Variants in HCN4 observed in about 807,000 individuals in gnomAD.
HCN4 encodes potassium/sodium hyperpolarization-activated cyclic nucleotide-gated channel 4.
In HCN4, 29 loss-of-function variants were observed where a neutral mutation model predicts 76.9. The ratio of observed to expected loss-of-function variants is 0.38; its 90% CI spans 0.28 to 0.51. The LOEUF (loss-of-function observed/expected upper bound fraction) is 0.51. Ranked by LOEUF, HCN4 falls within the 20% of genes least tolerant of loss-of-function variation. The pLI is 0.90. For synonymous variants in HCN4, 772 were observed against 762.5 expected (o/e 1.01, Z -0.21); for missense variants, 1,416 against 1,715.2 (o/e 0.83, Z 3.08).
At chr15:73,362,969 A>G (rs2043112453) in intron 1 of HCN4, among the ~76,000 whole-genome samples, 1 of 152,128 alleles carries the variant, frequency 6.6e-6, no homozygotes, top group South Asian at 2.1e-4. Context: ...CTCGGTCCTG[A>G]GCTCCAGCAG....
chr15:73,356,378 T>TC (rs1421543075), intron 1 of HCN4, among the ~76,000 whole-genome samples: 2 of 141,572 alleles, frequency 1.4e-5, no homozygotes, highest in Non-Finnish European at 3.1e-5. Flanking sequence ...TCTTTTCTTT[T>TC]TTTTTTTTTT....
chr15:73,340,029 TG>T (rs891576475), intron 2 of HCN4, among the ~76,000 whole-genome samples: 5 of 152,092 alleles, frequency 3.3e-5, no homozygotes, highest in Non-Finnish European at 7.4e-5. Context: ...CCCCACGAGA[TG>T]GGGCGGCACG....
chr15:73,333,672 C>T (rs765662167), intron 2 of HCN4, among the ~76,000 whole-genome samples: 5 of 152,126 alleles, frequency 3.3e-5, no homozygotes, highest in Non-Finnish European at 5.9e-5. Context: ...AAGTGGACAG[C>T]GAAAGGTTCA....
rs540396559 is a variant in HCN4, at chr15:73,343,332, C to T, written c.1209+53G>A. On this transcript the variant is annotated intron_variant, in intron 2 of 7. Transcript: ENST00000261917. This position sits in a 1 kb window ranked among gnomAD's most constrained non-coding sequence, Gnocchi z 5.7. Reference sequence around the variant, plus strand: ...TCTGAGGTTCCCTGCCAGTTCCTCACTCCCTCTGTGGGGAGTGGCCTTTCC... The same window carrying T: ...TCTGAGGTTCCCTGCCAGTTCCTCATTCCCTCTGTGGGGAGTGGCCTTTCC... The T allele has an allele frequency of 2.9e-5, 45 of 1,566,810 alleles. No individual in the cohort carries two copies. The African/African-American group carries it at 5.5e-4, about 19-fold the overall frequency.
chr15:73,352,474 G>A (rs984694482), intron 1 of HCN4, among the ~76,000 whole-genome samples: 1 of 152,190 alleles, frequency 6.6e-6, no homozygotes, highest in African/African-American at 2.4e-5. Flanking sequence ...AAAAAGAGCG[G>A]AGACATTGAA....
chr15:73,366,466 C>G (rs77737105), intron 1 of HCN4, among the ~76,000 whole-genome samples: 2,082 of 152,288 alleles, frequency 0.014, 24 homozygotes, highest in Non-Finnish European at 0.02. Flanking sequence ...TTTCCCAGAC[C>G]TTCATCACAA....
At chr15:73,330,151 C>G (rs1004487413) in intron 3 of HCN4, among the ~76,000 whole-genome samples, 4 of 152,346 alleles carry the variant, frequency 2.6e-5, no homozygotes, top group Admixed American at 6.5e-5. Flanking sequence ...GCTCCACCCC[C>G]CAACCCCCTA....
chr15:73,367,762 T>C lies in HCN4; in HGVS notation c.509A>G (p.Gln170Arg). ...QPAASPPPPQ[Q>R]PPQPASASCE... Reference sequence around the variant, plus strand: ...GGAGGCGGAGGCCGGCTGCGGTGGCTGCTGGGGCGGCGGCGGCGAGGCTGC... The same window carrying C: ...GGAGGCGGAGGCCGGCTGCGGTGGCCGCTGGGGCGGCGGCGGCGAGGCTGC... The change falls in exon 1 of 8, where the codon CAG becomes CGG. Residue 170 changes from glutamine to arginine, a missense_variant. Gln to Arg is a conservative substitution (Grantham distance 43, BLOSUM62 1). This residue lies in a region of HCN4 where 355 missense variants were observed against 347.8 expected (regional missense o/e 1.02). Coordinates refer to ENST00000261917, the MANE Select transcript of HCN4 (RefSeq NM_005477.3). This position sits in a 1 kb window ranked among gnomAD's most constrained non-coding sequence, Gnocchi z 7.5. The C allele has an allele frequency of 2.6e-6, 4 of 1,527,362 alleles. No individual in the cohort carries two copies. The highest frequency in any genetic ancestry group is 3.5e-6 in the Non-Finnish European group (4 of 1,144,688). 94.6% of individuals were successfully genotyped at this position (1,527,362 alleles called of 1,614,324 possible).
intron 1 of HCN4, among the ~76,000 whole-genome samples, chr15:73,355,270 G>T (rs1047390121): frequency 6.6e-6 from 1 of 152,184 alleles, no homozygotes; most frequent in Non-Finnish European, 1.5e-5. Context: ...TCTCTAACTT[G>T]CTATGTGACC....
rs529043360 is a variant in HCN4 at position 73,359,097 on chromosome 15, A to C, written c.785+8389T>G. Among the ~76,000 whole-genome samples, 3 of 152,306 alleles carry C rather than the reference A, an allele frequency of 2.0e-5. No homozygotes were observed. The South Asian group carries it at 6.2e-4, about 32-fold the overall frequency. ...CATAACACATCCACCCACACAGATA[A>C]ATGCTTAGACAGACACAAAATCATC... On this transcript the variant is annotated intron_variant, in intron 1 of 7. Coordinates refer to ENST00000261917, the MANE Select transcript of HCN4 (RefSeq NM_005477.3).
At chr15:73,347,468 G>T (rs144285012) in intron 1 of HCN4, among the ~76,000 whole-genome samples, 109 of 152,292 alleles carry the variant, frequency 7.2e-4, no homozygotes, top group Non-Finnish European at 1.4e-3. Flanking sequence ...GATTTGGGGG[G>T]CCCATGCTCC....
chr15:73,338,819 T>C (rs1252317971), intron 2 of HCN4, among the ~76,000 whole-genome samples: 1 of 152,226 alleles, frequency 6.6e-6, no homozygotes, highest in East Asian at 1.9e-4. Flanking sequence ...AACAGGCTGC[T>C]GCATATGCAT....
intron 2 of HCN4, among the ~76,000 whole-genome samples, chr15:73,339,151 C>T (rs986459394): frequency 6.6e-6 from 1 of 152,180 alleles, no homozygotes; most frequent in Non-Finnish European, 1.5e-5. Context: ...AGAAGGGTAA[C>T]CATGGTTTCT....
chr15:73,323,260 G>C lies in HCN4; in HGVS notation c.2833C>G (p.Pro945Ala). The C allele has an allele frequency of 6.5e-7, 1 of 1,526,982 alleles. No homozygotes were observed. Among genetic ancestry groups the C allele is most frequent in the Non-Finnish European group, 8.8e-7 (1 of 1,136,820 alleles). 94.6% of individuals were successfully genotyped at this position (1,526,982 alleles called of 1,614,324 possible). A position where few individuals can be genotyped will look rare whatever the true frequency, so the allele number is the denominator to read the frequency against. ...CCCAGGCCTCCCCGGGCCCCGGGTG[G>C]CGCGGGAGATGGCTGGGCAGCCTGC... is the stretch of plus-strand genomic sequence containing the variant. The part of the protein sequence containing the change: ...SPQAAQPSPA[P>A]PGARGGLGLP... Residue 945 changes from proline (P) to alanine (A), a missense_variant, in exon 8 of 8, where the codon CCA (proline) becomes GCA (alanine). Physicochemically the swap from Pro to Ala is conservative, Grantham distance 27. Coordinates refer to ENST00000261917, the MANE Select transcript of HCN4 (RefSeq NM_005477.3).
Position 73,322,124 on chromosome 15 carries a change from T to C in HCN4, c.*357A>G, listed in dbSNP as rs2042862515. On this transcript the variant is annotated 3_prime_UTR_variant, in exon 8 of 8. Coordinates refer to ENST00000261917, the MANE Select transcript of HCN4 (RefSeq NM_005477.3). ...GGCTGATGGCAGCTGTTTCTCTAAA[T>C]GAACACAATGACACATCTGCTCTAA... The C allele has an allele frequency of 3.3e-6, 1 of 300,610 alleles. No homozygotes were observed. The highest frequency in any genetic ancestry group is 6.4e-6 in the Non-Finnish European group (1 of 156,922). The allele number at this position is 300,610 out of a possible 1,614,324, so 18.6% of individuals were successfully genotyped here.
At position 73,324,874 on chromosome 15, in the gene HCN4, C is replaced by T. The variant is rs2042889171; in HGVS notation, c.1978+81G>A. ...AGGCTGTGGCCAAGAAGGGTGCTCA[C>T]TGCCTCTGTCCCCTCGGTATCTCCC... On this transcript the variant is annotated intron_variant, in intron 6 of 7. Transcript: ENST00000261917. 14 of 1,569,324 alleles carry T rather than the reference C, an allele frequency of 8.9e-6. No individual in the cohort carries two copies. In the South Asian group the frequency reaches 1.3e-4, roughly 15 times the overall value.
intron 2 of HCN4, among the ~76,000 whole-genome samples, chr15:73,341,391 C>G (rs563913032): frequency 6.6e-6 from 1 of 152,240 alleles, no homozygotes; most frequent in Non-Finnish European, 1.5e-5. Flanking sequence ...ATCCACCCAT[C>G]TCGGCCTCCC....
chr15:73,348,605 C>A (rs1345622723), intron 1 of HCN4, among the ~76,000 whole-genome samples: 1 of 152,238 alleles, frequency 6.6e-6, no homozygotes, highest in Non-Finnish European at 1.5e-5. Flanking sequence ...ATATTTTCCA[C>A]CTTTCAAGCT....
chr15:73,357,595 C>T (rs914716529), intron 1 of HCN4, among the ~76,000 whole-genome samples: 2 of 152,090 alleles, frequency 1.3e-5, no homozygotes, highest in Non-Finnish European at 2.9e-5. Flanking sequence ...GATGGCATTT[C>T]AGTTCATTTT....
Sources: gnomAD v4.1 joint callset for allele counts (sites outside exome capture counted in the v4.1 genomes callset) on GRCh38, gnomAD v4.1.1 for gene constraint, gnomAD v4.1.1 regional missense constraint, Gnocchi (gnomAD v3.1) non-coding constraint, MANE v1.5 for transcripts, NCBI Gene and HGNC (gene_info 2026-07-23, HGNC 2026-07-21) for gene names.